Variants in DMD observed in about 807,000 individuals in gnomAD.
DMD encodes the protein mutant dystrophin.
A neutral mutation model predicts 330.1 loss-of-function variants in DMD; 63 were observed. The observed-to-expected ratio is 0.19, with a 90% confidence interval of 0.16 to 0.24. DMD has a LOEUF of 0.24. DMD is among the 10% of genes least tolerant of loss of function. DMD has a pLI of 1.00. For synonymous variants in DMD, 1,223 were observed against 959.8 expected, an observed-to-expected ratio of 1.27 and a Z score of -5.07; for missense variants, 3,344 against 2,684.1, an observed-to-expected ratio of 1.25 and a Z score of -5.43.
chrX:31,865,347 A>T (rs1371238168), intron 48 of DMD, among the ~76,000 whole-genome samples: 1 of 112,252 alleles, frequency 8.9e-6, no homozygotes, highest in African/African-American at 3.2e-5. Context: ...ACTGTCATCC[A>T]GTGTTTTTCA....
intron 25 of DMD, among the ~76,000 whole-genome samples, chrX:32,462,422 T>C (rs1396988059): frequency 8.9e-6 from 1 of 112,032 alleles, no homozygotes; most frequent in African/African-American, 3.2e-5. Context: ...TTGGTGAACT[T>C]AAAAGTATTC....
chrX:32,386,266 A>G (rs1322477243), intron 33 of DMD, 44 bp downstream of exon 33: 1 of 1,199,507 alleles, frequency 8.3e-7, no homozygotes, highest in East Asian at 3.0e-5. Flanking sequence ...TACAATTTAT[A>G]AGGAAAGTGG....
At chrX:32,105,099 T>C (rs1328654531) in intron 44 of DMD, among the ~76,000 whole-genome samples, 1 of 112,072 alleles carries the variant, frequency 8.9e-6, no homozygotes, top group Non-Finnish European at 1.9e-5. Context: ...TTACGCATCA[T>C]GAAGAGTCTA....
intron 43 of DMD, among the ~76,000 whole-genome samples, chrX:32,252,941 CATAAATATAT>C (rs1436092712): frequency 5.0e-5 from 4 of 80,805 alleles, no homozygotes; most frequent in Non-Finnish European, 9.0e-5. Context: ...TATATATATA[CATAAATATAT>C]ATAAATATAT....
chrX:32,425,552 G>T (rs781561612), intron 29 of DMD, among the ~76,000 whole-genome samples: 1 of 111,069 alleles, frequency 9.0e-6, no homozygotes, highest in Non-Finnish European at 1.9e-5. Flanking sequence ...TCAGTTACTG[G>T]CCTTTCTTTC....
chrX:31,875,081 T>C (rs1443940520), intron 48 of DMD, 107 bp downstream of exon 48: 7 of 738,555 alleles, frequency 9.5e-6, no homozygotes, highest in Non-Finnish European at 1.2e-5. Flanking sequence ...TACCACACTT[T>C]AACAAGTAAT....
chrX:31,565,759 C>T (rs946945824), intron 55 of DMD, among the ~76,000 whole-genome samples: 1 of 112,144 alleles, frequency 8.9e-6, no homozygotes, highest in Non-Finnish European at 1.9e-5. Context: ...TCCATTTTCT[C>T]CACATCCTTG....
chrX:31,273,491 C>T (rs967676199), intron 62 of DMD, among the ~76,000 whole-genome samples: 1 of 110,307 alleles, frequency 9.1e-6, no homozygotes, highest in Non-Finnish European at 1.9e-5. Flanking sequence ...ACTCAAATTT[C>T]AAAAAAAAAT....
chrX:31,503,445 G>C (rs1409949619), intron 56 of DMD, among the ~76,000 whole-genome samples: 1 of 112,001 alleles, frequency 8.9e-6, no homozygotes, highest in Non-Finnish European at 1.9e-5. Context: ...AAGGGAAACT[G>C]GGTTGCCCAG....
In DMD at chrX:32,803,624, T is replaced by G. The variant is rs749800566; in HGVS notation, c.649+5869A>C. Among the ~76,000 whole-genome samples the G allele has an allele frequency of 2.3e-4, 26 of 112,064 alleles. No individual in the cohort carries two copies. In the South Asian group the frequency reaches 9.6e-3, roughly 41 times the overall value. On this transcript the variant is annotated intron_variant, in intron 7 of 78. Transcript: ENST00000357033. ...CTATAAATTTCCCTCTTCTAAACACTTCTTTAGCTGTGTCCCACAGATTCT... is the reference window on the plus strand; with the variant it reads ...CTATAAATTTCCCTCTTCTAAACACGTCTTTAGCTGTGTCCCACAGATTCT...
intron 7 of DMD, among the ~76,000 whole-genome samples, chrX:32,719,607 T>C (rs1048041147): frequency 8.9e-6 from 1 of 112,058 alleles, no homozygotes; most frequent in Non-Finnish European, 1.9e-5. Context: ...CAAAATTTAA[T>C]TCTGGTGGAA....
At chrX:32,335,083 G>A (rs2097698816) in intron 41 of DMD, among the ~76,000 whole-genome samples, 1 of 111,176 alleles carries the variant, frequency 9.0e-6, no homozygotes, top group South Asian at 3.7e-4. Context: ...GATCAAACTA[G>A]ATGCATGTGA....
chrX:32,858,209 G>A (rs2081751090), intron 2 of DMD, among the ~76,000 whole-genome samples: 1 of 112,396 alleles, frequency 8.9e-6, no homozygotes, highest in Admixed American at 9.4e-5. Context: ...GAGTCTGGCA[G>A]TATAAATTAC....
At chrX:32,655,926 T>A in intron 9 of DMD, among the ~76,000 whole-genome samples, 1 of 111,308 alleles carries the variant, frequency 9.0e-6, no homozygotes, top group East Asian at 2.8e-4. Context: ...TCTTTGTTGG[T>A]CTAAAGTCTG....
At chrX:32,980,315 G>C (rs1324252224) in intron 2 of DMD, among the ~76,000 whole-genome samples, 1 of 93,595 alleles carries the variant, frequency 1.1e-5, no homozygotes, top group Non-Finnish European at 2.0e-5. Flanking sequence ...GCAGTGAACC[G>C]AGATCGCGCC....
intron 44 of DMD, among the ~76,000 whole-genome samples, chrX:32,198,439 C>A (rs1042329051): frequency 6.3e-5 from 7 of 111,363 alleles, no homozygotes; most frequent in South Asian, 3.7e-4. Context: ...TTAATTTGGG[C>A]CCACACATGT....
chrX:31,430,444 C>G (rs1177887710), intron 60 of DMD, among the ~76,000 whole-genome samples: 1 of 111,527 alleles, frequency 9.0e-6, no homozygotes, highest in Non-Finnish European at 1.9e-5. Flanking sequence ...GCTGGAAAGG[C>G]AGCGATAATG....
chrX:31,295,662 G>A (rs932424682), intron 62 of DMD, among the ~76,000 whole-genome samples: 12 of 111,770 alleles, frequency 1.1e-4, no homozygotes, highest in Non-Finnish European at 2.3e-4. Flanking sequence ...TGATCTGCCC[G>A]CCTTGGCCTC....
chrX:31,948,499 C>G (rs978225721), intron 45 of DMD, among the ~76,000 whole-genome samples: 1 of 110,866 alleles, frequency 9.0e-6, no homozygotes, highest in African/African-American at 3.3e-5. Flanking sequence ...GGTGTACTAG[C>G]GTTCCGATTT....
Sources: allele counts gnomAD v4.1 joint callset (sites outside exome capture counted in the v4.1 genomes callset), GRCh38; gene constraint gnomAD v4.1.1; transcripts MANE v1.5; gene names NCBI Gene and HGNC (gene_info 2026-07-23, HGNC 2026-07-21).